SIPA1L1: variants seen among roughly 807,000 people sequenced by gnomAD.
SIPA1L1 encodes signal induced proliferation associated 1 like 1.
A neutral mutation model predicts 162.7 loss-of-function variants in SIPA1L1; 26 were observed. The ratio of observed to expected loss-of-function variants is 0.16; its 90% confidence interval spans 0.12 to 0.22. The LOEUF (loss-of-function observed/expected upper bound fraction) is 0.22. SIPA1L1 is among the 10% of genes least tolerant of loss of function. The probability of loss-of-function intolerance (pLI) is 1.00; values close to 1 mark genes in which losing one functional copy is unlikely to be tolerated. For synonymous variants in SIPA1L1, 829 were observed against 837.4 expected (o/e 0.99, Z 0.17); for missense variants, 1,874 against 2,241.0 (o/e 0.84, Z 3.31).
intron 19 of SIPA1L1, among the ~76,000 whole-genome samples, chr14:71,728,388 G>A (rs935249338): frequency 6.6e-6 from 1 of 152,198 alleles, no homozygotes; most frequent in Admixed American, 6.5e-5. Context: ...CAGCAATTTA[G>A]TTTCTAGACA....
intron 2 of SIPA1L1, among the ~76,000 whole-genome samples, chr14:71,329,483 C>T (rs1224850092): frequency 6.6e-6 from 1 of 150,974 alleles, no homozygotes; most frequent in Non-Finnish European, 1.5e-5. Context: ...CTCTGCCACT[C>T]AGGTTGGGGT....
chr14:71,556,217 T>C (rs2146415207), intron 4 of SIPA1L1, among the ~76,000 whole-genome samples: 1 of 152,372 alleles, frequency 6.6e-6, no homozygotes, highest in East Asian at 1.9e-4. Context: ...ATTTTTTCTT[T>C]TGTGAATTGC....
At position 71,635,080 on chromosome 14, in the gene SIPA1L1, C is replaced by G. The variant is rs376318759; in HGVS notation, c.1818+10844C>G. Among the ~76,000 whole-genome samples, 38 of 151,928 alleles carry G rather than the reference C, an allele frequency of 2.5e-4. No individual in the cohort carries two copies. In the South Asian group the frequency reaches 7.9e-3, roughly 31 times the overall value. ...GTCACCTGACATCAGGAGTTCGAGACCAGCCTGCCTAACATGGTGAAACCC... is the reference window on the plus strand; with the variant it reads ...GTCACCTGACATCAGGAGTTCGAGAGCAGCCTGCCTAACATGGTGAAACCC... On this transcript the variant is annotated intron_variant, in intron 7 of 23. Coordinates refer to ENST00000381232, the MANE Select transcript of SIPA1L1 (RefSeq NM_001386936.1).
intron 2 of SIPA1L1, among the ~76,000 whole-genome samples, chr14:71,403,632 C>CAT: frequency 6.8e-6 from 1 of 147,914 alleles, no homozygotes; most frequent in Middle Eastern, 3.5e-3. Flanking sequence ...AAATCTTAAT[C>CAT]ATATTGTTTT....
intron 12 of SIPA1L1, among the ~76,000 whole-genome samples, chr14:71,676,066 GAGC>G (rs1381808298): frequency 7.3e-6 from 1 of 137,826 alleles, no homozygotes; most frequent in Non-Finnish European, 1.6e-5. Context: ...AGACCAGCCT[GAGC>G]AACATGGTGA....
At chr14:71,600,004 G>A (rs2036540992) in intron 5 of SIPA1L1, among the ~76,000 whole-genome samples, 1 of 151,954 alleles carries the variant, frequency 6.6e-6, no homozygotes, top group Non-Finnish European at 1.5e-5. Context: ...TGTGTATTCT[G>A]GATATTAGTC....
intron 7 of SIPA1L1, among the ~76,000 whole-genome samples, chr14:71,634,947 A>G (rs984056838): frequency 6.6e-6 from 1 of 150,712 alleles, no homozygotes. Flanking sequence ...AAAAAAAAAA[A>G]ATAGCTAAGT....
At chr14:71,359,993 G>A (rs1277126897) in intron 2 of SIPA1L1, among the ~76,000 whole-genome samples, 1 of 152,210 alleles carries the variant, frequency 6.6e-6, no homozygotes, top group African/African-American at 2.4e-5. Context: ...TTCAGGGTAT[G>A]AGGGTACTGT....
At chr14:71,359,651 T>A (rs974312447) in intron 2 of SIPA1L1, among the ~76,000 whole-genome samples, 14 of 152,366 alleles carry the variant, frequency 9.2e-5, no homozygotes, top group African/African-American at 3.4e-4. Flanking sequence ...TTCTCAGTCC[T>A]ACTGGTTGTT....
intron 2 of SIPA1L1, among the ~76,000 whole-genome samples, chr14:71,322,878 C>G (rs2033257952): frequency 6.6e-6 from 1 of 152,218 alleles, no homozygotes; most frequent in South Asian, 2.1e-4. Context: ...CCTGCTTCTG[C>G]TCCTCGAGTT....
chr14:71,623,019 T>A (rs1162931136), intron 6 of SIPA1L1, among the ~76,000 whole-genome samples: 1 of 152,246 alleles, frequency 6.6e-6, no homozygotes, highest in Non-Finnish European at 1.5e-5. Flanking sequence ...TTGTAGAAAT[T>A]GTTCCTCTAT....
At chr14:71,513,940 G>A (rs1054142053) in intron 3 of SIPA1L1, among the ~76,000 whole-genome samples, 4 of 152,126 alleles carry the variant, frequency 2.6e-5, no homozygotes, top group Middle Eastern at 3.2e-3. Context: ...GGAGTCCTCC[G>A]CTGTTGCTCT....
chr14:71,650,741 T>C (rs1387315120), intron 8 of SIPA1L1, among the ~76,000 whole-genome samples: 2 of 151,980 alleles, frequency 1.3e-5, no homozygotes, highest in Non-Finnish European at 1.5e-5. Context: ...GTGCATGGAG[T>C]GGGGCAGTGA....
At chr14:71,699,617 A>T (rs2081932460) in intron 14 of SIPA1L1, among the ~76,000 whole-genome samples, 1 of 152,136 alleles carries the variant, frequency 6.6e-6, no homozygotes, top group Admixed American at 6.5e-5. Flanking sequence ...GTAAATGAGG[A>T]GTTTGGAGAC....
chr14:71,661,554 C>A, intron 10 of SIPA1L1, 87 bp downstream of exon 10: 1 of 1,365,854 alleles, frequency 7.3e-7, no homozygotes, highest in Non-Finnish European at 1.0e-6. Context: ...TCTAAAGTGG[C>A]AATGGGAAGT....
chr14:71,526,609 A>G (rs1366305456), intron 3 of SIPA1L1, among the ~76,000 whole-genome samples: 1 of 152,202 alleles, frequency 6.6e-6, no homozygotes, highest in Non-Finnish European at 1.5e-5. Flanking sequence ...GAACACAGCC[A>G]AGCCCGTATT....
chr14:71,438,515 C>T (rs1311699899), intron 2 of SIPA1L1, among the ~76,000 whole-genome samples: 1 of 152,208 alleles, frequency 6.6e-6, no homozygotes, highest in Non-Finnish European at 1.5e-5. Flanking sequence ...CAAAATATCG[C>T]TCCCAATATC....
intron 2 of SIPA1L1, among the ~76,000 whole-genome samples, chr14:71,372,680 G>C (rs117135967): frequency 1.5e-3 from 229 of 152,192 alleles, no homozygotes; most frequent in Non-Finnish European, 2.5e-3. Context: ...AGCAGTAGTT[G>C]AACCGAGGTT....
chr14:71,442,970 A>G lies in SIPA1L1; in HGVS notation c.-464-69773A>G, dbSNP rs540890830. 2.1e-4 allele frequency among the ~76,000 whole-genome samples: 32 copies of G among 152,318 alleles called. No individual in the cohort carries two copies. In the South Asian group the frequency reaches 2.3e-3, roughly 11 times the overall value. Reference sequence around the variant, plus strand: ...ACAAACAAAAAGATTTGATAATCATAAAAGAGCCTATGTTTTTGTGACGTC... The same window carrying G: ...ACAAACAAAAAGATTTGATAATCATGAAAGAGCCTATGTTTTTGTGACGTC... On this transcript the variant is annotated intron_variant, in intron 2 of 23. Transcript: ENST00000381232.
Sources: allele counts gnomAD v4.1 joint callset (sites outside exome capture counted in the v4.1 genomes callset), GRCh38; gene constraint gnomAD v4.1.1; transcripts MANE v1.5; gene names NCBI Gene and HGNC (gene_info 2026-07-23, HGNC 2026-07-21).